BMPR2: variants seen among roughly 807,000 people sequenced by gnomAD.
BMPR2 encodes the protein bone morphogenetic protein receptor type-2.
Under a neutral mutation model 100.8 loss-of-function variants are expected in BMPR2, and 29 were observed. That is an observed-to-expected ratio of 0.29 (90% confidence interval 0.21 to 0.39). The LOEUF is 0.39. Ranked by LOEUF, BMPR2 falls within the 10% of genes least tolerant of loss-of-function variation. The probability of loss-of-function intolerance (pLI) is 1.00; values close to 1 mark genes in which losing one functional copy is unlikely to be tolerated. For missense variants in BMPR2, 1,011 were observed against 1,274.5 expected (o/e 0.79, Z 3.15); for synonymous variants, 382 against 442.3 (o/e 0.86, Z 1.71).
rs2105721983 is a variant in BMPR2 at position 202,566,813 on chromosome 2, T to C, written c.*6867T>C. The C allele has an allele frequency of 6.6e-6, 1 of 152,324 alleles. No individual in the cohort carries two copies. Among genetic ancestry groups the C allele is most frequent in the African/African-American group, 2.4e-5 (1 of 41,578 alleles). 9.4% of individuals were successfully genotyped at this position (152,324 alleles called of 1,614,324 possible). ...GAATCAGACAAGTTCAAGCTCTAAA[T>C]TGATGTGCTATATACTTAAAATCCT... On this transcript the variant is annotated 3_prime_UTR_variant, in exon 13 of 13. Coordinates refer to ENST00000374580, the MANE Select transcript of BMPR2 (RefSeq NM_001204.7).
chr2:202,376,910 TTTG>T lies in BMPR2; in HGVS notation c.-559_-557del, dbSNP rs1045719390. ...TTTTTGATCCAGTCAAGGAAGAGGA[TTTG>T]TTGTTTTCGAAATCAGAGTGAAGGA... On this transcript the variant is annotated 5_prime_UTR_variant, in exon 1 of 13. Transcript: ENST00000374580. 1.4e-5 allele frequency: 6 copies of T among 434,600 alleles called. No homozygotes were observed. Among genetic ancestry groups the T allele is most frequent in the Non-Finnish European group, 1.6e-5 (4 of 248,376 alleles). 26.9% of individuals were successfully genotyped at this position (434,600 alleles called of 1,614,324 possible). A position where few individuals can be genotyped will look rare whatever the true frequency, so the allele number is the denominator to read the frequency against.
Position 202,530,816 on chromosome 2 carries a change from C to T in BMPR2, c.990C>T (p.Ser330=). ...PRGDHYKPAI[S]HRDLNSRNVL... Reference sequence around the variant, plus strand: ...CAGATCATTATAAACCTGCAATTTCCCATCGAGATTTAAACAGCAGAAATG... The same window carrying T: ...CAGATCATTATAAACCTGCAATTTCTCATCGAGATTTAAACAGCAGAAATG... Residue 330 remains serine (S), a synonymous_variant, in exon 8 of 13, where the codon TCC becomes TCT. Coordinates refer to ENST00000374580, the MANE Select transcript of BMPR2 (RefSeq NM_001204.7). The T allele has an allele frequency of 6.2e-7, 1 of 1,612,948 alleles. No individual in the cohort carries two copies.
chr2:202,482,075 A>G (rs1273623886), intron 3 of BMPR2, among the ~76,000 whole-genome samples: 1 of 151,482 alleles, frequency 6.6e-6, no homozygotes, highest in Admixed American at 6.6e-5. Context: ...GTAGAATCAT[A>G]TCATATTTGT....
intron 1 of BMPR2, among the ~76,000 whole-genome samples, chr2:202,458,912 T>G (rs1195056308): frequency 6.6e-6 from 1 of 152,180 alleles, no homozygotes; most frequent in African/African-American, 2.4e-5. Flanking sequence ...GAGTTTTACA[T>G]TTATGGACCT....
intron 3 of BMPR2, among the ~76,000 whole-genome samples, chr2:202,485,543 A>ATTTTTTTTTTTTTTTT (rs1574472655): frequency 1.1e-3 from 15 of 14,044 alleles, no homozygotes; most frequent in East Asian, 5.0e-3. Context: ...CTTTGCCTTT[A>ATTTTTTTTTTTTTTTT]TCTTTTTTTT....
intron 1 of BMPR2, among the ~76,000 whole-genome samples, chr2:202,441,132 T>C (rs74182353): frequency 0.13 from 19,594 of 149,738 alleles, 1,791 homozygotes; most frequent in Admixed American, 0.14. Context: ...AGGCGCATGC[T>C]GCCACACCTG....
At chr2:202,417,850 C>T (rs1011809521) in intron 1 of BMPR2, among the ~76,000 whole-genome samples, 4 of 151,866 alleles carry the variant, frequency 2.6e-5, no homozygotes, top group Non-Finnish European at 4.4e-5. Flanking sequence ...TCCCCAGTGG[C>T]TGGAACTACA....
intron 1 of BMPR2, among the ~76,000 whole-genome samples, chr2:202,427,284 C>G (rs1325505915): frequency 6.8e-6 from 1 of 146,722 alleles, no homozygotes; most frequent in East Asian, 2.1e-4. Context: ...TGCTTAGGCC[C>G]GGGAGATTGA....
At chr2:202,409,838 C>A (rs763107942) in intron 1 of BMPR2, among the ~76,000 whole-genome samples, 9 of 151,148 alleles carry the variant, frequency 6.0e-5, no homozygotes, top group Non-Finnish European at 1.2e-4. Flanking sequence ...GTTAGCAATT[C>A]TACTTTATAT....
intron 12 of BMPR2, among the ~76,000 whole-genome samples, chr2:202,559,169 G>A (rs1688636946): frequency 6.6e-6 from 1 of 151,840 alleles, no homozygotes; most frequent in African/African-American, 2.4e-5. Context: ...GGTCATGGTG[G>A]CATGCGCCTG....
chr2:202,517,352 T>A (rs1022912747), intron 5 of BMPR2, among the ~76,000 whole-genome samples: 6 of 150,432 alleles, frequency 4.0e-5, no homozygotes, highest in Admixed American at 1.3e-4. Flanking sequence ...TTTTTTTTTT[T>A]ACTCTGTCAT....
At chr2:202,429,586 A>C (rs888881947) in intron 1 of BMPR2, among the ~76,000 whole-genome samples, 1 of 152,150 alleles carries the variant, frequency 6.6e-6, no homozygotes, top group Non-Finnish European at 1.5e-5. Context: ...GAGATTGGGC[A>C]GTATATTAGT....
At chr2:202,533,490 G>A (rs1688064955) in intron 9 of BMPR2, among the ~76,000 whole-genome samples, 1 of 151,656 alleles carries the variant, frequency 6.6e-6, no homozygotes, top group Non-Finnish European at 1.5e-5. Context: ...TCTTGCCGTT[G>A]CACCCCAGCC....
intron 8 of BMPR2, among the ~76,000 whole-genome samples, chr2:202,531,425 T>C (rs187455172): frequency 1.3e-3 from 193 of 152,280 alleles, no homozygotes; most frequent in African/African-American, 4.5e-3. Flanking sequence ...TCACTGCCAT[T>C]CCAAGTCATT....
chr2:202,472,357 C>G (rs1692453538), intron 3 of BMPR2, among the ~76,000 whole-genome samples: 1 of 152,198 alleles, frequency 6.6e-6, no homozygotes, highest in African/African-American at 2.4e-5. Context: ...GTACTTCTAG[C>G]TAGATGAAAG....
chr2:202,467,507 A>G lies in BMPR2; in HGVS notation c.248-12A>G, dbSNP rs1188572836. On this transcript the variant is annotated splice_polypyrimidine_tract_variant and intron_variant, in intron 2 of 12. Transcript: ENST00000374580. ...ATATTGTCTCCTTTTTTGTATTCATATTGATTTATAGGATGTTGGTCTCAC... is the reference window on the plus strand; with the variant it reads ...ATATTGTCTCCTTTTTTGTATTCATGTTGATTTATAGGATGTTGGTCTCAC... The G allele has an allele frequency of 1.3e-6, 2 of 1,538,968 alleles. No homozygotes were observed. The highest frequency in any genetic ancestry group is 2.2e-5 in the East Asian group (1 of 44,460).
At chr2:202,499,512 T>C (rs1028705647) in intron 3 of BMPR2, among the ~76,000 whole-genome samples, 1 of 151,958 alleles carries the variant, frequency 6.6e-6, no homozygotes, top group African/African-American at 2.4e-5. Flanking sequence ...CTAAGGAGAA[T>C]TACAAAAAAG....
intron 1 of BMPR2, among the ~76,000 whole-genome samples, chr2:202,406,019 C>T (rs75016185): frequency 0.03 from 4,614 of 152,226 alleles, 235 homozygotes; most frequent in African/African-American, 0.11. Flanking sequence ...TCTGTACAAA[C>T]GAACTCAGTG....
intron 1 of BMPR2, among the ~76,000 whole-genome samples, chr2:202,423,973 T>G (rs559593962): frequency 1.4e-4 from 21 of 150,218 alleles, no homozygotes; most frequent in African/African-American, 5.1e-4. Context: ...CATGGGAGGC[T>G]GAGGCGTGAG....
Sources: gnomAD v4.1 joint callset for allele counts (sites outside exome capture counted in the v4.1 genomes callset) on GRCh38, gnomAD v4.1.1 for gene constraint, MANE v1.5 for transcripts, NCBI Gene and HGNC (gene_info 2026-07-23, HGNC 2026-07-21) for gene names.